The following ADAMTSL1 variants were observed in gnomAD, a reference collection of about 807,000 sequenced individuals.
ADAMTSL1 encodes the protein ADAMTS-like protein 1.
In ADAMTSL1, 126 loss-of-function variants were observed where a neutral mutation model predicts 201.8. The observed-to-expected ratio is 0.62, with a 90% confidence interval of 0.54 to 0.72. ADAMTSL1 has a LOEUF of 0.72. Among genes scored for constraint, ADAMTSL1 ranks in the 30% least tolerant of loss-of-function variants. The pLI is 0.00. For missense variants in ADAMTSL1, 2,679 were observed against 2,277.8 expected (o/e 1.18, Z -3.59); for synonymous variants, 1,121 against 903.4 (o/e 1.24, Z -4.32).
In ADAMTSL1 at chr9:18,910,000, C is replaced by G. The variant is rs1830517641; in HGVS notation, c.*1452C>G. The G allele has an allele frequency of 6.6e-6, 1 of 152,122 alleles. No homozygotes were observed. The highest frequency in any genetic ancestry group is 2.1e-4 in the South Asian group (1 of 4,822). 9.4% of individuals were successfully genotyped at this position (152,122 alleles called of 1,614,324 possible). On this transcript the variant is annotated 3_prime_UTR_variant, in exon 29 of 29. Transcript: ENST00000380548. Reference sequence around the variant, plus strand: ...TGGCCAAGTAATTTTTGCCTCCTTCCCTCGCGTGGCCTGAGTTTAGGAGCA... The same window carrying G: ...TGGCCAAGTAATTTTTGCCTCCTTCGCTCGCGTGGCCTGAGTTTAGGAGCA...
intron 1 of ADAMTSL1, among the ~76,000 whole-genome samples, chr9:18,153,247 G>T (rs1434391752): frequency 6.6e-6 from 1 of 151,970 alleles, no homozygotes; most frequent in Admixed American, 6.6e-5. Context: ...GAGTGGAAAG[G>T]ACATGACTGG....
At chr9:18,432,355 A>G (rs2133410100) in intron 2 of ADAMTSL1, among the ~76,000 whole-genome samples, 1 of 152,344 alleles carries the variant, frequency 6.6e-6, no homozygotes, top group East Asian at 1.9e-4. Flanking sequence ...TTAAATGTAT[A>G]GGTTTTCACC....
chr9:17,972,628 G>A lies in ADAMTSL1; in HGVS notation c.87+65706G>A, dbSNP rs141758158. 7.0e-3 allele frequency among the ~76,000 whole-genome samples: 1,058 copies of A among 151,936 alleles called. 12 individuals carry two copies. Among genetic ancestry groups the A allele is most frequent in the African/African-American group, 0.023 (972 of 41,446 alleles). On this transcript the variant is annotated intron_variant, in intron 1 of 29. Coordinates refer to the ADAMTSL1 transcript ENST00000680146. ...GAATAGTGCCACTATATACATACAT[G>A]TGCATGTGTCTTTATAGGAGCATGA...
chr9:18,644,805 A>G lies in ADAMTSL1; in HGVS notation c.834+5394A>G, dbSNP rs192605320. Reference sequence around the variant, plus strand: ...TCTATCATTGTTGGACATTTGGGTTAGTTCCAAGTCTTTGTTATTGTGAAT... The same window carrying G: ...TCTATCATTGTTGGACATTTGGGTTGGTTCCAAGTCTTTGTTATTGTGAAT... On this transcript the variant is annotated intron_variant, in intron 7 of 28. Coordinates refer to ENST00000380548, the MANE Select transcript of ADAMTSL1 (RefSeq NM_001040272.6). 9.4e-3 allele frequency among the ~76,000 whole-genome samples: 1,423 copies of G among 151,336 alleles called. 16 individuals are homozygous for G. Among genetic ancestry groups the G allele is most frequent in the African/African-American group, 0.028 (1,159 of 40,896 alleles).
intron 2 of ADAMTSL1, among the ~76,000 whole-genome samples, chr9:18,318,322 A>G (rs1586886065): frequency 6.6e-6 from 1 of 152,090 alleles, no homozygotes; most frequent in East Asian, 1.9e-4. Context: ...GAGTTCTTAG[A>G]CTAATGGTTT....
At chr9:18,178,480 A>T (rs972958499) in intron 2 of ADAMTSL1, among the ~76,000 whole-genome samples, 3 of 152,164 alleles carry the variant, frequency 2.0e-5, no homozygotes, top group African/African-American at 7.2e-5. Context: ...AGGCTTGCTT[A>T]GGTGAACAAA....
intron 1 of ADAMTSL1, among the ~76,000 whole-genome samples, chr9:18,484,515 G>C (rs559093275): frequency 1.3e-5 from 2 of 152,192 alleles, no homozygotes; most frequent in Admixed American, 1.3e-4. Flanking sequence ...AGCTTAATGG[G>C]TGTATTACTT....
chr9:18,798,523 TTA>T (rs1822574296), intron 20 of ADAMTSL1, among the ~76,000 whole-genome samples: 1 of 152,240 alleles, frequency 6.6e-6, no homozygotes, highest in Admixed American at 6.5e-5. Context: ...AAAAGCCAAC[TTA>T]TGTTTACAGT....
At chr9:18,118,761 C>T (rs1825372714) in intron 1 of ADAMTSL1, among the ~76,000 whole-genome samples, 1 of 152,150 alleles carries the variant, frequency 6.6e-6, no homozygotes, top group Admixed American at 6.5e-5. Context: ...AGAGTAGAGC[C>T]AATTGCTTAT....
At chr9:18,680,198 A>T in intron 10 of ADAMTSL1, 114 bp from the exon 11 acceptor site, 1 of 1,087,368 alleles carries the variant, frequency 9.2e-7, no homozygotes, top group Non-Finnish European at 1.3e-6. Flanking sequence ...TCTGGACCTT[A>T]GCCTCTCAGA....
intron 1 of ADAMTSL1, among the ~76,000 whole-genome samples, chr9:18,114,391 T>C (rs1825162275): frequency 6.6e-6 from 1 of 152,074 alleles, no homozygotes; most frequent in Admixed American, 6.6e-5. Flanking sequence ...ATATACCATG[T>C]GAGGAAATTT....
intron 4 of ADAMTSL1, among the ~76,000 whole-genome samples, chr9:18,581,338 C>A (rs1823076717): frequency 6.6e-6 from 1 of 152,126 alleles, no homozygotes; most frequent in African/African-American, 2.4e-5. Flanking sequence ...TGCAAAGATT[C>A]TATTTCCTAA....
At chr9:18,440,918 C>T (rs1473768382) in intron 2 of ADAMTSL1, among the ~76,000 whole-genome samples, 1 of 151,986 alleles carries the variant, frequency 6.6e-6, no homozygotes, top group Non-Finnish European at 1.5e-5. Context: ...ATTAGCGGCT[C>T]ATCCAAACAA....
At chr9:18,164,281 T>A (rs1827536517) in intron 2 of ADAMTSL1, among the ~76,000 whole-genome samples, 1 of 151,856 alleles carries the variant, frequency 6.6e-6, no homozygotes, top group East Asian at 1.9e-4. Flanking sequence ...GAACATGAAA[T>A]GGTAATAATT....
chr9:18,266,228 G>C (rs1008127861), intron 2 of ADAMTSL1, among the ~76,000 whole-genome samples: 3 of 152,072 alleles, frequency 2.0e-5, no homozygotes, highest in African/African-American at 7.2e-5. Context: ...TTCTTTGCTG[G>C]TGTAACTTTT....
At chr9:18,523,963 T>C (rs988154552) in intron 2 of ADAMTSL1, among the ~76,000 whole-genome samples, 21 of 142,140 alleles carry the variant, frequency 1.5e-4, no homozygotes, top group Non-Finnish European at 1.5e-4. Flanking sequence ...AAGTAGTTTT[T>C]TCCAATTCTG....
intron 2 of ADAMTSL1, among the ~76,000 whole-genome samples, chr9:18,352,831 TG>T (rs1395653279): frequency 6.6e-6 from 1 of 152,246 alleles, no homozygotes; most frequent in Admixed American, 6.5e-5. Flanking sequence ...TCAGCGTCCC[TG>T]GCAAGATGCA....
intron 2 of ADAMTSL1, among the ~76,000 whole-genome samples, chr9:18,456,289 T>C (rs1820599625): frequency 6.6e-6 from 1 of 152,210 alleles, no homozygotes; most frequent in South Asian, 2.1e-4. Flanking sequence ...CCTTGGTCCT[T>C]AACAAGCCTT....
intron 2 of ADAMTSL1, among the ~76,000 whole-genome samples, chr9:18,361,869 G>T (rs939566651): frequency 1.3e-5 from 2 of 152,098 alleles, no homozygotes; most frequent in African/African-American, 4.8e-5. Context: ...AATTCATCAC[G>T]CACAATTATG....
Sources: gnomAD v4.1 joint callset for allele counts (sites outside exome capture counted in the v4.1 genomes callset) on GRCh38, gnomAD v4.1.1 for gene constraint, MANE v1.5 for transcripts, NCBI Gene and HGNC (gene_info 2026-07-23, HGNC 2026-07-21) for gene names.